The following KIAA1217 variants were observed in gnomAD, a reference collection of about 807,000 sequenced individuals.
KIAA1217 encodes sickle tail protein homolog.
In KIAA1217, 88 loss-of-function variants were observed where a neutral mutation model predicts 163.9. The observed-to-expected ratio is 0.54, with a 90% CI of 0.45 to 0.64. The LOEUF is 0.64. Ranked by LOEUF, KIAA1217 falls within the 30% of genes least tolerant of loss-of-function variation. The pLI, the probability that KIAA1217 is intolerant of heterozygous loss-of-function variation, is 0.00. For synonymous variants in KIAA1217, 903 were observed against 923.1 expected, an observed-to-expected ratio of 0.98 and a Z score of 0.39; for missense variants, 2,372 against 2,475.0, an observed-to-expected ratio of 0.96 and a Z score of 0.88.
chr10:24,468,719 A>G (rs1375919232), intron 5 of KIAA1217, among the ~76,000 whole-genome samples: 2 of 152,162 alleles, frequency 1.3e-5, no homozygotes, highest in African/African-American at 2.4e-5. Flanking sequence ...CTGAGGTCCC[A>G]TTCTGGTTGG....
At chr10:24,227,309 C>A (rs2131004184) in intron 2 of KIAA1217, among the ~76,000 whole-genome samples, 1 of 151,270 alleles carries the variant, frequency 6.6e-6, no homozygotes, top group African/African-American at 2.4e-5. Flanking sequence ...AGGGGTCCGC[C>A]ACCACACCCA....
intron 3 of KIAA1217, among the ~76,000 whole-genome samples, chr10:24,402,067 G>C (rs1466306404): frequency 6.6e-6 from 1 of 152,170 alleles, no homozygotes. Flanking sequence ...TAACTGAAGA[G>C]ACTATTTTCA....
intron 1 of KIAA1217, among the ~76,000 whole-genome samples, chr10:23,807,671 C>T (rs1482191574): frequency 6.6e-6 from 1 of 152,186 alleles, no homozygotes; most frequent in Non-Finnish European, 1.5e-5. Context: ...AACTTCCCAG[C>T]CTTTCACTTC....
intron 2 of KIAA1217, among the ~76,000 whole-genome samples, chr10:24,272,042 G>A (rs1462059554): frequency 6.6e-6 from 1 of 152,044 alleles, no homozygotes; most frequent in African/African-American, 2.4e-5. Flanking sequence ...GGGTGGGAAG[G>A]GTGGACTCGG....
At chr10:23,811,085 A>G (rs1837021907) in intron 1 of KIAA1217, among the ~76,000 whole-genome samples, 3 of 120,388 alleles carry the variant, frequency 2.5e-5, no homozygotes, top group African/African-American at 1.1e-4. Context: ...TACATAGTAC[A>G]CTATATTATA....
At chr10:23,971,002 C>A (rs1279187423) in intron 1 of KIAA1217, among the ~76,000 whole-genome samples, 2 of 152,196 alleles carry the variant, frequency 1.3e-5, no homozygotes, top group South Asian at 4.1e-4. Context: ...ATAAAGTGCA[C>A]TTGGAAGAGG....
intron 2 of KIAA1217, among the ~76,000 whole-genome samples, chr10:24,053,769 A>T (rs1436891610): frequency 6.6e-6 from 1 of 152,216 alleles, no homozygotes; most frequent in East Asian, 1.9e-4. Flanking sequence ...TAACCAGGTT[A>T]TCTGGATATC....
At chr10:23,942,360 A>G (rs1347826075) in intron 1 of KIAA1217, among the ~76,000 whole-genome samples, 1 of 152,240 alleles carries the variant, frequency 6.6e-6, no homozygotes, top group Non-Finnish European at 1.5e-5. Context: ...AAAACTTTCA[A>G]AAAGAACCAA....
intron 1 of KIAA1217, among the ~76,000 whole-genome samples, chr10:23,730,006 A>G (rs559934816): frequency 6.6e-6 from 1 of 151,888 alleles, no homozygotes; most frequent in East Asian, 1.9e-4. Context: ...GGTTCACACC[A>G]TTGTCCTGCC....
rs900550683 is a variant in KIAA1217 at position 24,545,099 on chromosome 10, G to A, written c.5330G>A (p.Arg1777His). The change falls in exon 20 of 21, where the codon CGT (arginine) becomes CAT (histidine). Residue 1777 changes from arginine to histidine, a missense_variant. Arg to His is a conservative substitution (Grantham distance 29, BLOSUM62 0). Around this residue, in one of 3 missense-constraint regions of KIAA1217, gnomAD observed 690 missense variants for 677.5 expected, o/e 1.02. Transcript: ENST00000376454. ...AAACTGCAGGATCCCCGCCAATATC[G>A]TCAGGTAGTTTTACCTTAAACCCAC... ...QSKLQDPRQYRQANGSAKKSG... is the reference protein window; with the variant it reads ...QSKLQDPRQYHQANGSAKKSG... 4 of 1,614,138 alleles carry A rather than the reference G, an allele frequency of 2.5e-6. No individual in the cohort carries two copies. Among genetic ancestry groups the A allele is most frequent in the Middle Eastern group, 1.6e-4 (1 of 6,062 alleles).
intron 2 of KIAA1217, among the ~76,000 whole-genome samples, chr10:24,037,771 C>T (rs1276856514): frequency 1.3e-5 from 2 of 152,216 alleles, no homozygotes; most frequent in African/African-American, 4.8e-5. Flanking sequence ...CAAACAATAT[C>T]ATTGTGATCT....
At chr10:24,431,699 T>C (rs2059617721) in intron 3 of KIAA1217, among the ~76,000 whole-genome samples, 1 of 152,076 alleles carries the variant, frequency 6.6e-6, no homozygotes, top group Non-Finnish European at 1.5e-5. Context: ...ATATCAAGCT[T>C]TCCTTTTGCA....
chr10:24,078,780 G>C (rs1047976973), intron 2 of KIAA1217, among the ~76,000 whole-genome samples: 4 of 152,198 alleles, frequency 2.6e-5, no homozygotes, highest in Admixed American at 6.5e-5. Context: ...AGATGAGAGA[G>C]AGAGAGACAA....
At chr10:24,414,188 A>G (rs2131381996) in intron 3 of KIAA1217, among the ~76,000 whole-genome samples, 1 of 152,334 alleles carries the variant, frequency 6.6e-6, no homozygotes, top group Admixed American at 6.5e-5. Flanking sequence ...GCTTTGCTTT[A>G]GTTGTTCCTC....
chr10:24,156,608 G>A (rs1391457754), intron 2 of KIAA1217, among the ~76,000 whole-genome samples: 1 of 152,086 alleles, frequency 6.6e-6, no homozygotes, highest in Non-Finnish European at 1.5e-5. Context: ...CCAGTCCAGA[G>A]CCTGGAATCC....
chr10:24,299,569 T>C (rs1164446446), intron 2 of KIAA1217, among the ~76,000 whole-genome samples: 1 of 152,146 alleles, frequency 6.6e-6, no homozygotes. Flanking sequence ...TGGCTAATTT[T>C]TTAATTTTTT....
Position 24,004,954 on chromosome 10 carries a change from G to A in KIAA1217, c.-320-2271G>A, listed in dbSNP as rs142510857. Among the ~76,000 whole-genome samples, 500 of 152,314 alleles carry A rather than the reference G, an allele frequency of 3.3e-3. 3 individuals carry two copies. The highest frequency in any genetic ancestry group is 0.012 in the African/African-American group (479 of 41,564). ...CTGGAGGACCAAAGTGGGAAGGTTC[G>A]ACAACAGGACTCAAGGAAAAGAGAT... On this transcript the variant is annotated intron_variant, in intron 1 of 18. Transcript: ENST00000376462.
chr10:23,790,705 A>ACAT (rs1835902327), intron 1 of KIAA1217, among the ~76,000 whole-genome samples: 1 of 111,992 alleles, frequency 8.9e-6, no homozygotes, highest in Non-Finnish European at 1.7e-5. Flanking sequence ...ATACACACAC[A>ACAT]TATATATATG....
intron 5 of KIAA1217, among the ~76,000 whole-genome samples, chr10:24,456,307 C>G (rs76326323): frequency 2.0e-5 from 3 of 152,188 alleles, no homozygotes; most frequent in Non-Finnish European, 4.4e-5. Context: ...ATGTGTCATT[C>G]GTTTCATCCT....
Sources: allele counts gnomAD v4.1 joint callset (sites outside exome capture counted in the v4.1 genomes callset), GRCh38; gene constraint gnomAD v4.1.1; regional missense constraint gnomAD v4.1.1; transcripts MANE v1.5; gene names NCBI Gene and HGNC (gene_info 2026-07-23, HGNC 2026-07-21).